The following NPAS3 variants were observed in gnomAD, a reference collection of about 807,000 sequenced individuals.
NPAS3 encodes the protein neuronal PAS domain-containing protein 3.
Under a neutral mutation model 73.1 loss-of-function variants are expected in NPAS3, and 14 were observed. The ratio of observed to expected loss-of-function variants is 0.19; its 90% confidence interval spans 0.13 to 0.30. The LOEUF is 0.30. Ranked by LOEUF, NPAS3 falls within the 10% of genes least tolerant of loss-of-function variation. The pLI is 1.00. For missense variants in NPAS3, 1,096 were observed against 1,250.0 expected (o/e 0.88, Z 1.86); for synonymous variants, 620 against 541.5 (o/e 1.14, Z -2.01).
At chr14:33,352,060 C>T (rs746750336) in intron 3 of NPAS3, among the ~76,000 whole-genome samples, 34 of 151,932 alleles carry the variant, frequency 2.2e-4, no homozygotes, top group East Asian at 3.9e-4. Context: ...AAAACATCTG[C>T]GGTTTAAAAA....
chr14:33,116,550 A>G (rs1186681895), intron 2 of NPAS3, among the ~76,000 whole-genome samples: 1 of 152,188 alleles, frequency 6.6e-6, no homozygotes, highest in Non-Finnish European at 1.5e-5. Flanking sequence ...TATTATAGCA[A>G]TGCTAGATGC....
chr14:33,735,782 G>A (rs1204959916), intron 7 of NPAS3, among the ~76,000 whole-genome samples: 2 of 151,644 alleles, frequency 1.3e-5, no homozygotes, highest in Admixed American at 6.6e-5. Context: ...TGTACACATA[G>A]ACGAGAAAAT....
At chr14:33,120,247 T>C (rs930031845) in intron 2 of NPAS3, among the ~76,000 whole-genome samples, 3 of 152,090 alleles carry the variant, frequency 2.0e-5, no homozygotes, top group African/African-American at 7.2e-5. Context: ...GCATGAGCCA[T>C]GGCGCCTGGC....
At chr14:33,037,219 A>G (rs1427971609) in intron 1 of NPAS3, among the ~76,000 whole-genome samples, 2 of 152,302 alleles carry the variant, frequency 1.3e-5, no homozygotes, top group East Asian at 3.9e-4. Context: ...GTTCTAATCC[A>G]TATTAGAGCA....
At chr14:33,728,331 A>G (rs1393846946) in intron 6 of NPAS3, among the ~76,000 whole-genome samples, 3 of 152,222 alleles carry the variant, frequency 2.0e-5, no homozygotes, top group Admixed American at 6.5e-5. Flanking sequence ...CGTTACTGTT[A>G]AAGAAGGTTA....
intron 4 of NPAS3, among the ~76,000 whole-genome samples, chr14:33,441,104 A>G (rs12147066): frequency 2.0e-5 from 3 of 152,096 alleles, no homozygotes; most frequent in Admixed American, 6.5e-5. Flanking sequence ...TGTAACTTCA[A>G]TGTGCACCAG....
At chr14:32,986,886 G>T (rs567555724) in intron 1 of NPAS3, among the ~76,000 whole-genome samples, 2 of 152,280 alleles carry the variant, frequency 1.3e-5, no homozygotes, top group East Asian at 3.9e-4. Context: ...CCAAATGGAA[G>T]ACTTTTCAGT....
chr14:33,563,537 C>CACACACACAGAGAGAGAGAGAGAGAG, intron 5 of NPAS3, among the ~76,000 whole-genome samples: 1 of 119,652 alleles, frequency 8.4e-6, no homozygotes, highest in African/African-American at 3.7e-5. Context: ...CACACACACA[C>CACACACACAGAGAGAGAGAGAGAGAG]AGAGAGAGAG....
chr14:33,613,169 C>G (rs767098395), intron 5 of NPAS3, among the ~76,000 whole-genome samples: 1 of 152,116 alleles, frequency 6.6e-6, no homozygotes, highest in Non-Finnish European at 1.5e-5. Context: ...CAAATTCACA[C>G]AGCTCATCAA....
At chr14:33,661,097 GAA>G (rs11297345) in intron 5 of NPAS3, among the ~76,000 whole-genome samples, 8,234 of 132,526 alleles carry the variant, frequency 0.062, 744 homozygotes, top group African/African-American at 0.2. Context: ...TCAGTAAAAG[GAA>G]AAAAAAAAAA....
intron 5 of NPAS3, among the ~76,000 whole-genome samples, chr14:33,563,006 G>T (rs1242040347): frequency 6.6e-6 from 1 of 151,916 alleles, no homozygotes; most frequent in Non-Finnish European, 1.5e-5. Context: ...CAGTGATAAG[G>T]AATCTGTAAA....
chr14:33,174,775 A>T (rs779825423), intron 2 of NPAS3, among the ~76,000 whole-genome samples: 2 of 152,172 alleles, frequency 1.3e-5, no homozygotes, highest in Non-Finnish European at 2.9e-5. Flanking sequence ...AAATTTTAGG[A>T]TGGAGTGGAG....
chr14:32,957,804 G>C (rs1400178069), intron 1 of NPAS3, among the ~76,000 whole-genome samples: 1 of 152,160 alleles, frequency 6.6e-6, no homozygotes, highest in East Asian at 1.9e-4. Context: ...CTGTCTCTTA[G>C]TGTGGGGACT....
At chr14:33,121,064 A>G (rs535796637) in intron 2 of NPAS3, among the ~76,000 whole-genome samples, 11 of 152,030 alleles carry the variant, frequency 7.2e-5, no homozygotes, top group African/African-American at 2.7e-4. Flanking sequence ...TCCTTTGTCT[A>G]TTGGCTCAAT....
intron 2 of NPAS3, among the ~76,000 whole-genome samples, chr14:33,153,519 T>C (rs927686716): frequency 6.6e-6 from 1 of 151,672 alleles, no homozygotes; most frequent in African/African-American, 2.4e-5. Context: ...AGAGTGCATA[T>C]GATCACTTAA....
intron 3 of NPAS3, among the ~76,000 whole-genome samples, chr14:33,308,816 TAAAC>T (rs751915465): frequency 2.0e-5 from 3 of 152,058 alleles, no homozygotes; most frequent in Admixed American, 6.6e-5. Flanking sequence ...AAATTTTAAA[TAAAC>T]AAATGCAATG....
At chr14:33,214,139 T>C (rs1244407710) in intron 2 of NPAS3, 1 of 152,226 alleles carries the variant, frequency 6.6e-6, no homozygotes, top group Non-Finnish European at 1.5e-5. Flanking sequence ...ATGATTTTAA[T>C]AGTACCTTGA....
intron 2 of NPAS3, among the ~76,000 whole-genome samples, chr14:33,196,104 C>T (rs2046341081): frequency 6.6e-6 from 1 of 152,284 alleles, no homozygotes; most frequent in South Asian, 2.1e-4. Context: ...GTTCGGCCAG[C>T]GCTAAGGTCC....
At chr14:33,727,364 G>T (rs117252963) in intron 6 of NPAS3, among the ~76,000 whole-genome samples, 1 of 151,988 alleles carries the variant, frequency 6.6e-6, no homozygotes, top group East Asian at 1.9e-4. Flanking sequence ...TGTGATATGC[G>T]CTAAACAGCC....
Sources: allele counts gnomAD v4.1 joint callset (sites outside exome capture counted in the v4.1 genomes callset), GRCh38; gene constraint gnomAD v4.1.1; transcripts MANE v1.5; gene names NCBI Gene and HGNC (gene_info 2026-07-23, HGNC 2026-07-21).